The following NDST3 variants were observed in gnomAD, a reference collection of about 807,000 sequenced individuals.
The protein encoded by NDST3 is N-deacetylase and N-sulfotransferase 3, also known as bifunctional heparan sulfate N-deacetylase/N-sulfotransferase 3.
In NDST3, 58 loss-of-function variants were observed where a neutral mutation model predicts 96.1. That is an observed-to-expected ratio of 0.60 (90% CI 0.49 to 0.75). The LOEUF is 0.75. Ranked by LOEUF, NDST3 falls within the 30% of genes least tolerant of loss-of-function variation. The pLI, the probability that NDST3 is intolerant of heterozygous loss-of-function variation, is 0.00. For synonymous variants in NDST3, 333 were observed against 359.7 expected (o/e 0.93, Z 0.84); for missense variants, 788 against 1,034.2 (o/e 0.76, Z 3.27).
At chr4:118,226,448 C>T (rs1207672061) in intron 7 of NDST3, among the ~76,000 whole-genome samples, 1 of 152,128 alleles carries the variant, frequency 6.6e-6, no homozygotes, top group African/African-American at 2.4e-5. Context: ...GGCCAGATCC[C>T]TATCCCTTTG....
At chr4:118,037,786 A>T (rs1724231365) in intron 1 of NDST3, among the ~76,000 whole-genome samples, 1 of 152,200 alleles carries the variant, frequency 6.6e-6, no homozygotes. Context: ...TACTGCTGTT[A>T]GGTTGAGTCT....
At chr4:118,133,359 T>G (rs1732795216) in intron 4 of NDST3, among the ~76,000 whole-genome samples, 1 of 151,924 alleles carries the variant, frequency 6.6e-6, no homozygotes, top group African/African-American at 2.4e-5. Flanking sequence ...TAGTACTGAG[T>G]TCAATGTAAA....
intron 6 of NDST3, among the ~76,000 whole-genome samples, chr4:118,160,469 GAA>G (rs373117185): frequency 0.015 from 2,087 of 135,730 alleles, 21 homozygotes; most frequent in Middle Eastern, 0.081. Flanking sequence ...AAATTTACAA[GAA>G]AAAAAAAAAA....
intron 4 of NDST3, among the ~76,000 whole-genome samples, chr4:118,125,017 A>G (rs13106276): frequency 0.6 from 91,664 of 151,734 alleles, 31,111 homozygotes; most frequent in Non-Finnish European, 0.74. Flanking sequence ...TTCATTATAT[A>G]GGCATGTTTG....
intron 6 of NDST3, among the ~76,000 whole-genome samples, chr4:118,155,277 C>G (rs1734647196): frequency 6.6e-6 from 1 of 152,120 alleles, no homozygotes. Context: ...ATAAGGAAAA[C>G]ATCAGTTCCC....
At chr4:118,144,014 C>G (rs2125907020) in intron 6 of NDST3, among the ~76,000 whole-genome samples, 1 of 151,820 alleles carries the variant, frequency 6.6e-6, no homozygotes, top group Admixed American at 6.6e-5. Flanking sequence ...TTTTTTTTTC[C>G]ATTTAGACAA....
chr4:118,044,724 T>G (rs946972325), intron 1 of NDST3, among the ~76,000 whole-genome samples: 1 of 152,154 alleles, frequency 6.6e-6, no homozygotes, highest in Admixed American at 6.5e-5. Context: ...TTCTGGAGAT[T>G]TGGAAGTCTA....
chr4:118,036,079 G>T (rs1036925624), intron 1 of NDST3, among the ~76,000 whole-genome samples: 9 of 152,080 alleles, frequency 5.9e-5, no homozygotes, highest in Admixed American at 2.0e-4. Flanking sequence ...ATCAGGCATT[G>T]GAGATTCTTT....
intron 6 of NDST3, among the ~76,000 whole-genome samples, chr4:118,175,203 G>A (rs1202550945): frequency 6.6e-6 from 1 of 151,878 alleles, no homozygotes; most frequent in Non-Finnish European, 1.5e-5. Flanking sequence ...GAATCTTTCT[G>A]CCTTTTTCAC....
intron 1 of NDST3, among the ~76,000 whole-genome samples, chr4:118,046,602 T>G (rs1169320575): frequency 6.6e-6 from 1 of 152,168 alleles, no homozygotes; most frequent in Non-Finnish European, 1.5e-5. Flanking sequence ...TTGCTCCACC[T>G]GATTATGTTC....
intron 12 of NDST3, among the ~76,000 whole-genome samples, chr4:118,246,637 A>G (rs2126010236): frequency 6.6e-6 from 1 of 152,246 alleles, no homozygotes; most frequent in Middle Eastern, 3.4e-3. Context: ...AAAAGAAAAG[A>G]GGTTTAATTG....
intron 6 of NDST3, among the ~76,000 whole-genome samples, chr4:118,222,728 A>C (rs1014151670): frequency 1.3e-5 from 2 of 152,018 alleles, no homozygotes; most frequent in Admixed American, 1.3e-4. Flanking sequence ...CATGAAAAGC[A>C]ATGTTCTTTA....
intron 6 of NDST3, among the ~76,000 whole-genome samples, chr4:118,195,978 T>A (rs1243401869): frequency 6.6e-6 from 1 of 152,214 alleles, no homozygotes; most frequent in Non-Finnish European, 1.5e-5. Context: ...GTTTTAGCTA[T>A]GGGTCTGTCA....
chr4:118,053,066 A>G (rs1368242129), intron 1 of NDST3, among the ~76,000 whole-genome samples: 1 of 152,024 alleles, frequency 6.6e-6, no homozygotes, highest in East Asian at 1.9e-4. Flanking sequence ...ATGGTTCCCA[A>G]TGGTCTCACA....
chr4:118,241,941 G>T, intron 11 of NDST3, 99 bp from the exon 12 acceptor site: 1 of 779,300 alleles, frequency 1.3e-6, no homozygotes. Flanking sequence ...TTCTGCTCAG[G>T]ACAGTGTCTC....
intron 3 of NDST3, among the ~76,000 whole-genome samples, chr4:118,112,047 A>G (rs10007381): frequency 0.032 from 4,891 of 152,274 alleles, 292 homozygotes; most frequent in African/African-American, 0.11. Context: ...TTCTCAAAGT[A>G]GGATTAAAAG....
In NDST3 at chr4:118,198,971, T is replaced by C. The variant is rs547945400; in HGVS notation, c.1540-25520T>C. On this transcript the variant is annotated intron_variant, in intron 6 of 13. Coordinates refer to ENST00000296499, the MANE Select transcript of NDST3 (RefSeq NM_004784.3). ...TTTGTTTCTTTTCTCTTGCTGCTTT[T>C]TGGAACCTTTTTTTATCCTTGACCT... Among the ~76,000 whole-genome samples, 10 of 152,300 alleles carry C rather than the reference T, an allele frequency of 6.6e-5. No homozygotes were observed. In the East Asian group the frequency reaches 9.6e-4, roughly 15 times the overall value.
rs183681615 is a variant in NDST3, at chr4:118,163,637, A to G, written c.1539+19953A>G. Among the ~76,000 whole-genome samples the G allele has an allele frequency of 6.6e-3, 1,003 of 152,218 alleles. 8 individuals are homozygous for G. The highest frequency in any genetic ancestry group is 0.023 in the African/African-American group (961 of 41,500). On this transcript the variant is annotated intron_variant, in intron 6 of 13. Coordinates refer to ENST00000296499, the MANE Select transcript of NDST3 (RefSeq NM_004784.3). ...GAGAGGGGAGGGATAGCATGAGGAGATATACCTAATGCTAAATGATGAGTT... is the reference window on the plus strand; with the variant it reads ...GAGAGGGGAGGGATAGCATGAGGAGGTATACCTAATGCTAAATGATGAGTT...
chr4:118,255,015 T>G (rs1303628477), intron 13 of NDST3, among the ~76,000 whole-genome samples: 2 of 152,214 alleles, frequency 1.3e-5, no homozygotes, highest in African/African-American at 4.8e-5. Context: ...ACATACAATT[T>G]CTATAGTATT....
Sources: allele counts gnomAD v4.1 joint callset (sites outside exome capture counted in the v4.1 genomes callset), GRCh38; gene constraint gnomAD v4.1.1; transcripts MANE v1.5; gene names NCBI Gene and HGNC (gene_info 2026-07-23, HGNC 2026-07-21).